The following MALRD1 variants were observed in gnomAD, a reference collection of about 807,000 sequenced individuals.
MALRD1 encodes MAM and LDL-receptor class A domain-containing protein 1.
A neutral mutation model predicts 242.1 loss-of-function variants in MALRD1; 247 were observed. The observed-to-expected ratio is 1.02, with a 90% CI of 0.92 to 1.13. The LOEUF (loss-of-function observed/expected upper bound fraction) is 1.13, where lower values mean the gene tolerates loss of function less well. Ranked by LOEUF, MALRD1 falls within the 50% of genes most tolerant of loss-of-function variation. The pLI, the probability that MALRD1 is intolerant of heterozygous loss-of-function variation, is 0.00. For missense variants in MALRD1, 2,989 were observed against 2,533.1 expected, an observed-to-expected ratio of 1.18 and a Z score of -3.86; for synonymous variants, 995 against 866.6, an observed-to-expected ratio of 1.15 and a Z score of -2.60.
intron 36 of MALRD1, among the ~76,000 whole-genome samples, chr10:19,667,882 G>T (rs367759046): frequency 6.6e-6 from 1 of 151,984 alleles, no homozygotes; most frequent in African/African-American, 2.4e-5. Context: ...TTTTTTCATG[G>T]TTCTGGAGGC....
At chr10:19,712,273 A>G (rs1188508697) in intron 38 of MALRD1, among the ~76,000 whole-genome samples, 3 of 152,222 alleles carry the variant, frequency 2.0e-5, no homozygotes, top group African/African-American at 7.2e-5. Context: ...GAAATCGAAT[A>G]AAATCCTAAT....
intron 33 of MALRD1, among the ~76,000 whole-genome samples, chr10:19,568,259 T>G (rs560338275): frequency 6.6e-6 from 1 of 152,346 alleles, no homozygotes; most frequent in East Asian, 1.9e-4. Context: ...GGGCTGTTTG[T>G]TCCCTTACTG....
chr10:19,643,546 G>A (rs74119722), intron 36 of MALRD1, among the ~76,000 whole-genome samples: 3,296 of 152,044 alleles, frequency 0.022, 132 homozygotes, highest in African/African-American at 0.076. Flanking sequence ...CAATAGTTTC[G>A]ACATAATTTT....
intron 36 of MALRD1, among the ~76,000 whole-genome samples, chr10:19,652,738 T>C (rs1015114776): frequency 2.0e-5 from 3 of 152,234 alleles, no homozygotes; most frequent in Non-Finnish European, 4.4e-5. Context: ...CCTAACTCTT[T>C]ATATAAACAT....
intron 32 of MALRD1, among the ~76,000 whole-genome samples, chr10:19,537,629 A>G (rs1834749559): frequency 1.3e-5 from 2 of 152,202 alleles, no homozygotes; most frequent in South Asian, 4.1e-4. Context: ...AAGATGAGTA[A>G]TTACTTATCA....
At chr10:19,315,595 T>TATTTATATAAA (rs1564555155) in intron 21 of MALRD1, among the ~76,000 whole-genome samples, 2 of 70,252 alleles carry the variant, frequency 2.8e-5, no homozygotes, top group Non-Finnish European at 3.4e-5. Flanking sequence ...TTATAAATAT[T>TATTTATATAAA]TATATAAATT....
intron 38 of MALRD1, among the ~76,000 whole-genome samples, chr10:19,726,534 G>A (rs1835033763): frequency 6.6e-6 from 1 of 152,144 alleles, no homozygotes; most frequent in Non-Finnish European, 1.5e-5. Context: ...ATCAAAAACA[G>A]TTTGGCAGTT....
intron 28 of MALRD1, among the ~76,000 whole-genome samples, chr10:19,396,121 C>A (rs567508472): frequency 2.0e-4 from 30 of 146,688 alleles, no homozygotes; most frequent in Non-Finnish European, 4.0e-4. Flanking sequence ...TCATTCATTC[C>A]TTCGTTTCTT....
chr10:19,730,028 C>T (rs192781913), intron 38 of MALRD1, among the ~76,000 whole-genome samples: 147 of 152,222 alleles, frequency 9.7e-4, no homozygotes, highest in African/African-American at 2.4e-3. Flanking sequence ...TGAGCCACCA[C>T]GCCCGGCCTA....
intron 22 of MALRD1, 106 bp downstream of exon 22, chr10:19,324,211 T>C: frequency 9.1e-7 from 1 of 1,095,192 alleles, no homozygotes; most frequent in Non-Finnish European, 1.3e-6. Context: ...AATGGACAAT[T>C]ACCAACACTT....
At chr10:19,261,822 C>A (rs1839764542) in intron 19 of MALRD1, among the ~76,000 whole-genome samples, 1 of 124,828 alleles carries the variant, frequency 8.0e-6, no homozygotes, top group African/African-American at 2.6e-5. Context: ...GCAGTGTTCT[C>A]CAGCAACCTG....
At chr10:19,641,939 G>A (rs1344185815) in intron 36 of MALRD1, among the ~76,000 whole-genome samples, 2 of 151,838 alleles carry the variant, frequency 1.3e-5, no homozygotes, top group Non-Finnish European at 2.9e-5. Context: ...AAGTAGTTCA[G>A]AATAATAGGA....
chr10:19,496,056 C>T (rs1023245290), intron 30 of MALRD1, among the ~76,000 whole-genome samples: 1 of 152,150 alleles, frequency 6.6e-6, no homozygotes, highest in African/African-American at 2.4e-5. Context: ...CACAGGAGTA[C>T]CCATATTCAT....
chr10:19,408,175 C>T (rs1291140737), intron 28 of MALRD1, among the ~76,000 whole-genome samples: 2 of 152,074 alleles, frequency 1.3e-5, no homozygotes, highest in Admixed American at 6.6e-5. Context: ...CAACAGGCAG[C>T]AGGTGCTTGA....
At chr10:19,189,776 A>T (rs1835894611) in intron 14 of MALRD1, among the ~76,000 whole-genome samples, 1 of 152,104 alleles carries the variant, frequency 6.6e-6, no homozygotes, top group South Asian at 2.1e-4. Flanking sequence ...ATTCAGGATA[A>T]AAATACTCAA....
chr10:19,364,746 G>C (rs1190909892), intron 26 of MALRD1, among the ~76,000 whole-genome samples: 3 of 152,082 alleles, frequency 2.0e-5, no homozygotes, highest in African/African-American at 7.2e-5. Context: ...GAATTTGTTA[G>C]AAAACTTCAG....
chr10:19,449,239 C>T (rs540083895), intron 28 of MALRD1, among the ~76,000 whole-genome samples: 21 of 152,228 alleles, frequency 1.4e-4, no homozygotes, highest in Admixed American at 6.5e-4. Context: ...TGCAGTGGCG[C>T]GATCTCAGCT....
intron 31 of MALRD1, among the ~76,000 whole-genome samples, chr10:19,501,673 T>A (rs1012680469): frequency 2.0e-5 from 3 of 152,114 alleles, no homozygotes; most frequent in African/African-American, 7.2e-5. Flanking sequence ...TACATACTTG[T>A]TTATTAACAT....
intron 26 of MALRD1, among the ~76,000 whole-genome samples, chr10:19,354,566 C>G (rs1844537830): frequency 6.6e-6 from 1 of 152,110 alleles, no homozygotes; most frequent in African/African-American, 2.4e-5. Context: ...CCATTCTACT[C>G]TCTACCTTTG....
Sources: gnomAD v4.1 joint callset for allele counts (sites outside exome capture counted in the v4.1 genomes callset) on GRCh38, gnomAD v4.1.1 for gene constraint, MANE v1.5 for transcripts, NCBI Gene and HGNC (gene_info 2026-07-23, HGNC 2026-07-21) for gene names.